The following MRAS variants were observed in gnomAD, a reference collection of about 807,000 sequenced individuals.
The protein encoded by MRAS is muscle RAS oncogene homolog.
MRAS carries 4 observed loss-of-function variants against 20.9 expected under a neutral mutation model. The ratio of observed to expected loss-of-function variants is 0.19; its 90% confidence interval spans 0.09 to 0.44. MRAS has a LOEUF of 0.44. MRAS is among the 20% of genes least tolerant of loss of function. The pLI is 0.99. For missense variants in MRAS, 154 were observed against 277.5 expected (o/e 0.56, Z 3.16); for synonymous variants, 98 against 102.9 (o/e 0.95, Z 0.29).
Position 138,363,799 on chromosome 3 carries a change from T to C in MRAS, c.-18-9067T>C, listed in dbSNP as rs191171399. ...TAAAACAGGGACCTTTCTCATGTCATGTGACCTGTTAGAGGATTTACCCCC... is the reference window on the plus strand; with the variant it reads ...TAAAACAGGGACCTTTCTCATGTCACGTGACCTGTTAGAGGATTTACCCCC... On this transcript the variant is annotated intron_variant, in intron 1 of 5. Coordinates refer to ENST00000423968, the MANE Select transcript of MRAS (RefSeq NM_001085049.3). Among the ~76,000 whole-genome samples the C allele has an allele frequency of 2.6e-3, 366 of 141,148 alleles. 5 individuals are homozygous for C. The highest frequency in any genetic ancestry group is 2.8e-3 in the Non-Finnish European group (186 of 66,444). 92.6% of individuals were successfully genotyped at this position (141,148 alleles called of 152,430 possible). A position where few individuals can be genotyped will look rare whatever the true frequency, so the allele number is the denominator to read the frequency against.
chr3:138,352,179 G>A (rs1423757916), intron 1 of MRAS, among the ~76,000 whole-genome samples: 1 of 152,218 alleles, frequency 6.6e-6, no homozygotes, highest in Admixed American at 6.5e-5. Context: ...AGGTGATGAG[G>A]TTCAGGCTGA....
chr3:138,386,419 G>T (rs2055015944), intron 2 of MRAS, among the ~76,000 whole-genome samples: 1 of 152,178 alleles, frequency 6.6e-6, no homozygotes, highest in Non-Finnish European at 1.5e-5. Flanking sequence ...ACAGGTTCGT[G>T]CTGCTGCAGT....
intron 2 of MRAS, among the ~76,000 whole-genome samples, chr3:138,379,132 T>C (rs2054846450): frequency 6.6e-6 from 1 of 152,136 alleles, no homozygotes; most frequent in Non-Finnish European, 1.5e-5. Context: ...TTATTCCTTC[T>C]CTTTGTATTT....
In MRAS at chr3:138,381,446, G is replaced by A. The variant is rs966855601; in HGVS notation, c.193+8370G>A. On this transcript the variant is annotated intron_variant, in intron 2 of 5. Coordinates refer to ENST00000423968, the MANE Select transcript of MRAS (RefSeq NM_001085049.3). Reference sequence around the variant, plus strand: ...CCCTGTCCCACTACCTCCTGCTTTGGCCCAGGCCTTGGGCCTTTAAGGTGG... The same window carrying A: ...CCCTGTCCCACTACCTCCTGCTTTGACCCAGGCCTTGGGCCTTTAAGGTGG... 2.0e-5 allele frequency among the ~76,000 whole-genome samples: 3 copies of A among 152,338 alleles called. 1 individual carries two copies. Among genetic ancestry groups the A allele is most frequent in the African/African-American group, 7.2e-5 (3 of 41,590 alleles).
chr3:138,399,345 G>A (rs1378578956), intron 4 of MRAS, among the ~76,000 whole-genome samples: 1 of 152,206 alleles, frequency 6.6e-6, no homozygotes, highest in Non-Finnish European at 1.5e-5. Context: ...GTTATCAGAG[G>A]CTCAAATATT....
intron 2 of MRAS, among the ~76,000 whole-genome samples, chr3:138,386,046 G>C (rs1205265701): frequency 2.0e-5 from 3 of 152,010 alleles, no homozygotes; most frequent in African/African-American, 7.3e-5. Flanking sequence ...GAGGGAGGTG[G>C]GTTGATTTTT....
chr3:138,365,773 C>T (rs1004943406), intron 1 of MRAS, among the ~76,000 whole-genome samples: 9 of 152,212 alleles, frequency 5.9e-5, no homozygotes, highest in Non-Finnish European at 1.3e-4. Context: ...TCACTGTGTT[C>T]TGCTGCCAAG....
intron 1 of MRAS, among the ~76,000 whole-genome samples, chr3:138,353,432 A>G (rs887421699): frequency 3.3e-5 from 5 of 152,006 alleles, no homozygotes; most frequent in Admixed American, 3.3e-4. Context: ...CTTTGACTTC[A>G]CCTGGACCCT....
intron 2 of MRAS, among the ~76,000 whole-genome samples, chr3:138,391,868 G>A (rs897083468): frequency 1.3e-5 from 2 of 152,114 alleles, no homozygotes; most frequent in South Asian, 2.1e-4. Context: ...GGCCAGGCGC[G>A]GTGGCTTACG....
intron 1 of MRAS, among the ~76,000 whole-genome samples, chr3:138,353,002 T>C (rs2054259062): frequency 6.6e-6 from 1 of 152,124 alleles, no homozygotes; most frequent in South Asian, 2.1e-4. Context: ...ACTACCAGTA[T>C]TCAAGCAACC....
At chr3:138,367,218 G>C (rs1056290943) in intron 1 of MRAS, among the ~76,000 whole-genome samples, 4 of 152,134 alleles carry the variant, frequency 2.6e-5, no homozygotes, top group Non-Finnish European at 4.4e-5. Flanking sequence ...CTACTTTGTC[G>C]ATGCAAATAT....
intron 5 of MRAS, 29 bp downstream of exon 5, chr3:138,400,642 G>A: frequency 1.3e-6 from 2 of 1,574,416 alleles, no homozygotes; most frequent in Non-Finnish European, 1.7e-6. Context: ...CTAGAAGCGG[G>A]CCTCCACAGC....
chr3:138,385,093 A>G (rs1431593581), intron 2 of MRAS, among the ~76,000 whole-genome samples: 1 of 151,056 alleles, frequency 6.6e-6, no homozygotes, highest in Non-Finnish European at 1.5e-5. Context: ...TGAAAGGAGG[A>G]AGAGAGAAAT....
intron 2 of MRAS, among the ~76,000 whole-genome samples, chr3:138,378,751 C>T (rs2054837746): frequency 6.6e-6 from 1 of 152,092 alleles, no homozygotes; most frequent in African/African-American, 2.4e-5. Context: ...TAAAAGTTAC[C>T]ATCTTAACCA....
rs964884838 is a variant in MRAS at position 138,400,383 on chromosome 3, T to G, written c.448-151T>G. On this transcript the variant is annotated intron_variant, in intron 4 of 5. Transcript: ENST00000423968. ...TCCAACCTGAAAGAGTGAAAAGCCC[T>G]AAATGATGCTTGAGGCTATTGGGGG... 57 of 687,716 alleles carry G rather than the reference T, an allele frequency of 8.3e-5. No homozygotes were observed. In the African/African-American group the frequency reaches 9.3e-4, roughly 11 times the overall value. The allele number at this position is 687,716 out of a possible 1,614,324, so 42.6% of individuals were successfully genotyped here.
At chr3:138,391,108 C>T (rs1401894590) in intron 2 of MRAS, among the ~76,000 whole-genome samples, 1 of 152,104 alleles carries the variant, frequency 6.6e-6, no homozygotes, top group Non-Finnish European at 1.5e-5. Flanking sequence ...CTACTTTCCC[C>T]TCCTCCTACT....
At chr3:138,374,224 CTCAAACT>C (rs1297105404) in intron 2 of MRAS, among the ~76,000 whole-genome samples, 1 of 152,148 alleles carries the variant, frequency 6.6e-6, no homozygotes, top group Non-Finnish European at 1.5e-5. Flanking sequence ...GCCTCAGCCT[CTCAAACT>C]GCTGGGATTA....
intron 2 of MRAS, among the ~76,000 whole-genome samples, chr3:138,396,553 C>T (rs371166337): frequency 6.6e-6 from 1 of 152,234 alleles, no homozygotes; most frequent in African/African-American, 2.4e-5. Flanking sequence ...AGGAACCCCC[C>T]ACCCTGCCTA....
At chr3:138,392,212 A>G (rs1031153462) in intron 2 of MRAS, among the ~76,000 whole-genome samples, 3 of 152,174 alleles carry the variant, frequency 2.0e-5, no homozygotes, top group African/African-American at 7.2e-5. Flanking sequence ...GAATAAGCTT[A>G]AATTTTGTTT....
Sources: allele counts gnomAD v4.1 joint callset (sites outside exome capture counted in the v4.1 genomes callset), GRCh38; gene constraint gnomAD v4.1.1; transcripts MANE v1.5; gene names NCBI Gene and HGNC (gene_info 2026-07-23, HGNC 2026-07-21).